MAST2: variants seen among roughly 807,000 people sequenced by gnomAD.
MAST2 encodes microtubule associated serine/threonine kinase 2.
MAST2 carries 70 observed loss-of-function variants against 147.4 expected under a neutral mutation model. The ratio of observed to expected loss-of-function variants is 0.47; its 90% CI spans 0.39 to 0.58. The LOEUF is 0.58. Ranked by LOEUF, MAST2 falls within the 20% of genes least tolerant of loss-of-function variation. The pLI is 0.00. For missense variants in MAST2, 2,080 were observed against 2,302.3 expected, an observed-to-expected ratio of 0.90 and a Z score of 1.98; for synonymous variants, 869 against 896.8, an observed-to-expected ratio of 0.97 and a Z score of 0.55.
chr1:45,845,463 A>G (rs934094733), intron 3 of MAST2, among the ~76,000 whole-genome samples: 3 of 152,160 alleles, frequency 2.0e-5, no homozygotes, highest in African/African-American at 7.2e-5. Context: ...TAATGTTTTT[A>G]TTATTTTCTT....
chr1:45,993,745 A>G (rs1644938851), intron 5 of MAST2, among the ~76,000 whole-genome samples: 1 of 152,064 alleles, frequency 6.6e-6, no homozygotes, highest in African/African-American at 2.4e-5. Context: ...AAATTAGGCC[A>G]AACTTTACAA....
chr1:45,957,486 A>T (rs1659814302), intron 4 of MAST2, among the ~76,000 whole-genome samples: 1 of 152,082 alleles, frequency 6.6e-6, no homozygotes, highest in Non-Finnish European at 1.5e-5. Context: ...TTTGTTTTCT[A>T]ATTGGCCCAA....
chr1:45,833,311 A>G (rs1230174737), intron 3 of MAST2, among the ~76,000 whole-genome samples: 1 of 152,192 alleles, frequency 6.6e-6, no homozygotes, highest in Non-Finnish European at 1.5e-5. Flanking sequence ...GCATGTTCTA[A>G]AAAGGATCAT....
intron 4 of MAST2, among the ~76,000 whole-genome samples, chr1:45,898,353 A>C (rs961159241): frequency 6.6e-6 from 1 of 152,028 alleles, no homozygotes; most frequent in Non-Finnish European, 1.5e-5. Flanking sequence ...TAGACAACCA[A>C]TGTTTCAATT....
Position 46,034,859 on chromosome 1 carries a change from C to T in MAST2, c.4190C>T (p.Pro1397Leu), listed in dbSNP as rs751302148. 5.0e-6 allele frequency: 8 copies of T among 1,614,112 alleles called. No homozygotes were observed. Among genetic ancestry groups the T allele is most frequent in the Non-Finnish European group, 6.8e-6 (8 of 1,180,052 alleles). The stretch of plus-strand genomic sequence containing the variant: ...TCACGGCCCAAGAGTGCGGAGCCAC[C>T]CCGTTCACCACTACTCAAGAGGGTG... ...QLSRPKSAEPPRSPLLKRVQS... is the reference protein window; with the variant it reads ...QLSRPKSAEPLRSPLLKRVQS... The change falls in exon 29 of 29, where the codon CCC (proline) becomes CTC (leucine). Residue 1397 changes from proline (P) to leucine (L), a missense_variant. By Grantham distance (98) the Pro-to-Leu change is moderately conservative. Around this residue, in one of 4 missense-constraint regions of MAST2, gnomAD observed 1,278 missense variants for 1,304.2 expected, o/e 0.98. Coordinates refer to ENST00000361297, the MANE Select transcript of MAST2 (RefSeq NM_015112.3).
At chr1:45,889,617 GTTTT>G (rs562480436) in intron 4 of MAST2, among the ~76,000 whole-genome samples, 2 of 151,504 alleles carry the variant, frequency 1.3e-5, no homozygotes, top group African/African-American at 4.9e-5. Flanking sequence ...GTTTTGTTTT[GTTTT>G]TTTGAGGCAG....
intron 1 of MAST2, among the ~76,000 whole-genome samples, chr1:45,818,480 A>G (rs1424916795): frequency 6.6e-6 from 1 of 152,206 alleles, no homozygotes; most frequent in Non-Finnish European, 1.5e-5. Context: ...AGAAGATGAC[A>G]CTTCAAAATG....
intron 5 of MAST2, among the ~76,000 whole-genome samples, chr1:45,980,476 A>AT (rs149398258): frequency 0.034 from 5,177 of 152,114 alleles, 306 homozygotes; most frequent in African/African-American, 0.12. Flanking sequence ...AGTTGAAATT[A>AT]TTTTTTATGT....
intron 16 of MAST2, 117 bp from the exon 17 acceptor site, chr1:46,027,614 G>A: frequency 9.0e-7 from 1 of 1,106,864 alleles, no homozygotes; most frequent in Non-Finnish European, 1.3e-6. Context: ...AAGCTACCCA[G>A]CTTGTGTCTC....
chr1:45,824,041 C>T (rs1039601125), intron 1 of MAST2, among the ~76,000 whole-genome samples: 6 of 152,002 alleles, frequency 3.9e-5, no homozygotes, highest in Non-Finnish European at 8.8e-5. Context: ...CTTTATATGC[C>T]AGGTAAAGTC....
intron 7 of MAST2, among the ~76,000 whole-genome samples, chr1:46,005,019 A>AT (rs1392201102): frequency 2.0e-5 from 3 of 152,190 alleles, no homozygotes; most frequent in African/African-American, 7.2e-5. Context: ...GTGAGCTATG[A>AT]TAACGCCACT....
chr1:45,972,743 C>T lies in MAST2; in HGVS notation c.592+13266C>T, dbSNP rs1396068074. On this transcript the variant is annotated intron_variant, in intron 5 of 28. Coordinates refer to ENST00000361297, the MANE Select transcript of MAST2 (RefSeq NM_015112.3). Reference sequence around the variant, plus strand: ...ACATTCCCTGCTCTGTCTTATCCCTCCCTGACTCTGGAAACCCTTCCAGTG... The same window carrying T: ...ACATTCCCTGCTCTGTCTTATCCCTTCCTGACTCTGGAAACCCTTCCAGTG... 2.6e-5 allele frequency among the ~76,000 whole-genome samples: 4 copies of T among 152,200 alleles called. No homozygotes were observed. The East Asian group carries it at 7.7e-4, about 29-fold the overall frequency.
intron 1 of MAST2, among the ~76,000 whole-genome samples, chr1:45,804,916 G>A (rs559556465): frequency 1.6e-4 from 24 of 152,324 alleles, no homozygotes; most frequent in East Asian, 1.5e-3. Context: ...ATGTTCTGTA[G>A]TAATGAACTC....
chr1:45,807,345 A>G (rs1161557231), intron 1 of MAST2, among the ~76,000 whole-genome samples: 3 of 152,114 alleles, frequency 2.0e-5, no homozygotes, highest in Non-Finnish European at 4.4e-5. Context: ...TCTATTTAGC[A>G]GGCTCATTCT....
intron 4 of MAST2, among the ~76,000 whole-genome samples, chr1:45,955,621 G>A (rs191859299): frequency 6.6e-6 from 1 of 152,252 alleles, no homozygotes; most frequent in Non-Finnish European, 1.5e-5. Context: ...AAGACCTGAA[G>A]GAAGAGGGGA....
intron 5 of MAST2, among the ~76,000 whole-genome samples, chr1:45,988,604 T>A (rs1326472337): frequency 4.6e-5 from 7 of 152,224 alleles, no homozygotes; most frequent in Admixed American, 3.9e-4. Flanking sequence ...ATGTCAAGTT[T>A]GTTGGTAGTG....
At chr1:45,900,444 ATATTTTTTTTTT>A (rs991120153) in intron 4 of MAST2, among the ~76,000 whole-genome samples, 3 of 14,864 alleles carry the variant, frequency 2.0e-4, no homozygotes, top group African/African-American at 4.5e-4. Context: ...GTGATGTTGG[ATATTTTTTTTTT>A]TTTTTTTTTT....
chr1:45,916,591 T>C (rs1480714575), intron 4 of MAST2, among the ~76,000 whole-genome samples: 1 of 152,192 alleles, frequency 6.6e-6, no homozygotes, highest in Non-Finnish European at 1.5e-5. Context: ...ATACATTCAT[T>C]AGAGAAATGT....
intron 3 of MAST2, among the ~76,000 whole-genome samples, chr1:45,862,305 G>T (rs982228505): frequency 1.4e-4 from 22 of 152,202 alleles, no homozygotes; most frequent in African/African-American, 5.1e-4. Context: ...TATCCACAAA[G>T]GATTTGAGGT....
Sources: allele counts gnomAD v4.1 joint callset (sites outside exome capture counted in the v4.1 genomes callset), GRCh38; gene constraint gnomAD v4.1.1; regional missense constraint gnomAD v4.1.1; transcripts MANE v1.5; gene names NCBI Gene and HGNC (gene_info 2026-07-23, HGNC 2026-07-21).